The following HEATR5A variants were observed in gnomAD, a reference collection of about 807,000 sequenced individuals.
HEATR5A encodes HEAT repeat containing 5A.
Under a neutral mutation model 218.8 loss-of-function variants are expected in HEATR5A, and 178 were observed. The observed-to-expected ratio is 0.81, with a 90% CI of 0.72 to 0.92. The LOEUF is 0.92. Among genes scored for constraint, HEATR5A ranks in the 40% least tolerant of loss-of-function variants. The probability of loss-of-function intolerance (pLI) is 0.00; values close to 1 mark genes in which losing one functional copy is unlikely to be tolerated. For missense variants in HEATR5A, 2,420 were observed against 2,418.9 expected (o/e 1.00, Z -0.01); for synonymous variants, 864 against 871.6 (o/e 0.99, Z 0.15).
rs1197677794 is a variant in HEATR5A, at chr14:31,398,767, C to G, written c.353G>C (p.Cys118Ser). 4 of 1,521,410 alleles carry G rather than the reference C, an allele frequency of 2.6e-6. No individual in the cohort carries two copies. The African/African-American group carries it at 5.5e-5, about 21-fold the overall frequency. 94.2% of individuals were successfully genotyped at this position (1,521,410 alleles called of 1,614,324 possible). ...CAACTTCTTGTACAAGGAACCCAAA[C>G]ATACCACAGCAGCACTGAAACAACA... is the stretch of plus-strand genomic sequence containing the variant. Reference protein sequence around the residue: ...YLPTKLAAVVCLGSLYKKLGR... With the variant: ...YLPTKLAAVVSLGSLYKKLGR... Residue 118 changes from cysteine to serine, a missense_variant, in exon 4 of 36, where the codon TGT (cysteine) becomes TCT (serine). Coordinates refer to ENST00000543095, the MANE Select transcript of HEATR5A (RefSeq NM_015473.4).
At chr14:31,330,685 G>A (rs1900435248) in intron 22 of HEATR5A, among the ~76,000 whole-genome samples, 2 of 151,678 alleles carry the variant, frequency 1.3e-5, no homozygotes, top group Admixed American at 1.3e-4. Context: ...CAGCTATTCG[G>A]GAGGCTGAGG....
chr14:31,339,698 T>TGG (rs1410543947), intron 21 of HEATR5A, among the ~76,000 whole-genome samples: 1 of 151,960 alleles, frequency 6.6e-6, no homozygotes, highest in Non-Finnish European at 1.5e-5. Flanking sequence ...AACCCAAAAG[T>TGG]GGATAGAAAG....
chr14:31,416,619 AG>A (rs2031459033), intron 1 of HEATR5A, among the ~76,000 whole-genome samples: 2 of 151,918 alleles, frequency 1.3e-5, no homozygotes, highest in South Asian at 4.2e-4. Context: ...TAAAAAAAAA[AG>A]AAAAAAAAGC....
chr14:31,404,246 G>A (rs1265680978), intron 1 of HEATR5A, among the ~76,000 whole-genome samples: 3 of 152,150 alleles, frequency 2.0e-5, no homozygotes, highest in Non-Finnish European at 4.4e-5. Context: ...TACCTAAATA[G>A]AAACATGTTA....
chr14:31,417,070 A>C lies in HEATR5A; in HGVS notation c.-75+3402T>G, dbSNP rs114681511. Among the ~76,000 whole-genome samples, 681 of 152,244 alleles carry C rather than the reference A, an allele frequency of 4.5e-3. 2 individuals are homozygous for C. Among genetic ancestry groups the C allele is most frequent in the African/African-American group, 0.016 (645 of 41,544 alleles). ...CAAAAAATAAAATAAAATAAAAATA[A>C]ACAAATAAATAAAACAAAAAAAACC... On this transcript the variant is annotated intron_variant, in intron 1 of 35. Coordinates refer to ENST00000543095, the MANE Select transcript of HEATR5A (RefSeq NM_015473.4).
intron 1 of HEATR5A, among the ~76,000 whole-genome samples, chr14:31,417,992 G>C (rs1482894189): frequency 6.6e-6 from 1 of 152,092 alleles, no homozygotes; most frequent in Non-Finnish European, 1.5e-5. Context: ...CGGATCACCT[G>C]AGATCAGGAG....
chr14:31,307,388 C>T (rs1221365282), intron 30 of HEATR5A, among the ~76,000 whole-genome samples: 2 of 152,156 alleles, frequency 1.3e-5, no homozygotes, highest in Non-Finnish European at 2.9e-5. Flanking sequence ...ACCCTTTTCC[C>T]ATGGCCACAC....
At chr14:31,409,070 T>G (rs1566785963) in intron 1 of HEATR5A, among the ~76,000 whole-genome samples, 5 of 74,236 alleles carry the variant, frequency 6.7e-5, no homozygotes, top group Non-Finnish European at 8.9e-5. Flanking sequence ...AAAAAAAAGA[T>G]GGAGTCTTAC....
chr14:31,400,556 T>G (rs772381195), intron 2 of HEATR5A, 44 bp from the exon 3 acceptor site: 23 of 1,234,276 alleles, frequency 1.9e-5, no homozygotes, highest in African/African-American at 3.0e-5. Context: ...GTCAATATAA[T>G]TATCTGTAAT....
chr14:31,383,245 TA>T (rs1359659107), intron 10 of HEATR5A, among the ~76,000 whole-genome samples: 1 of 152,234 alleles, frequency 6.6e-6, no homozygotes, highest in African/African-American at 2.4e-5. Flanking sequence ...AGAACATTAA[TA>T]TAACTATTTG....
chr14:31,391,734 A>G (rs2030462397), intron 6 of HEATR5A, among the ~76,000 whole-genome samples: 1 of 152,130 alleles, frequency 6.6e-6, no homozygotes, highest in Non-Finnish European at 1.5e-5. Context: ...CTTATCTTTT[A>G]TATCATATTT....
Position 31,337,633 on chromosome 14 carries a change from G to A in HEATR5A, c.3229-19C>T. The A allele has an allele frequency of 6.9e-6, 11 of 1,590,702 alleles. No homozygotes were observed. Among genetic ancestry groups the A allele is most frequent in the Non-Finnish European group, 9.4e-6 (11 of 1,167,342 alleles). On this transcript the variant is annotated intron_variant, in intron 21 of 35. Coordinates refer to ENST00000543095, the MANE Select transcript of HEATR5A (RefSeq NM_015473.4). Reference sequence around the variant, plus strand: ...GATTCACCTGAAAAATACCATTTGAGGAACGACAGAGCTAAAATTCTTGTT... The same window carrying A: ...GATTCACCTGAAAAATACCATTTGAAGAACGACAGAGCTAAAATTCTTGTT...
rs545975438 is a variant in HEATR5A, at chr14:31,358,722, T to G, written c.2326A>C (p.Lys776Gln). The G allele has an allele frequency of 1.2e-6, 2 of 1,613,890 alleles. No individual in the cohort carries two copies. Among genetic ancestry groups the G allele is most frequent in the East Asian group, 2.2e-5 (1 of 44,876 alleles). The change falls in exon 16 of 36, where the codon AAG becomes CAG. Residue 776 changes from lysine to glutamine, a missense_variant. Physicochemically the swap from Lys to Gln is moderately conservative, Grantham distance 53. Coordinates refer to ENST00000543095, the MANE Select transcript of HEATR5A (RefSeq NM_015473.4). ...EKDVEGDSVPKPLPPALSVIS... is the reference protein window; with the variant it reads ...EKDVEGDSVPQPLPPALSVIS... Reference sequence around the variant, plus strand: ...ACTGATAGTGCTGGAGGTAAGGGCTTAGGCACTGAATCTCCCTCTACATCT... The same window carrying G: ...ACTGATAGTGCTGGAGGTAAGGGCTGAGGCACTGAATCTCCCTCTACATCT...
intron 23 of HEATR5A, among the ~76,000 whole-genome samples, chr14:31,325,217 G>T (rs1321250373): frequency 6.6e-6 from 1 of 152,034 alleles, no homozygotes; most frequent in Non-Finnish European, 1.5e-5. Flanking sequence ...AAAATAACTG[G>T]TTTTTCTCTT....
rs1432385800 is a variant in HEATR5A, at chr14:31,292,547, C to T, written c.*758G>A. On this transcript the variant is annotated 3_prime_UTR_variant, in exon 36 of 36. Coordinates refer to ENST00000543095, the MANE Select transcript of HEATR5A (RefSeq NM_015473.4). ...AATCATTTTATCTTCTTGGAGAAAT[C>T]AGAGAAAGTTTAATACAATTACTGA... 6.6e-6 allele frequency: 1 copy of T among 151,750 alleles called. No homozygotes were observed. Among genetic ancestry groups the T allele is most frequent in the East Asian group, 1.9e-4 (1 of 5,178 alleles). 9.4% of individuals were successfully genotyped at this position (151,750 alleles called of 1,614,324 possible). A position where few individuals can be genotyped will look rare whatever the true frequency, so the allele number is the denominator to read the frequency against.
At chr14:31,398,373 C>T (rs1205928670) in intron 4 of HEATR5A, among the ~76,000 whole-genome samples, 1 of 152,094 alleles carries the variant, frequency 6.6e-6, no homozygotes, top group Non-Finnish European at 1.5e-5. Context: ...TAAGTACTAT[C>T]AAATAGAAAA....
chr14:31,351,521 A>C (rs899744122), intron 16 of HEATR5A, among the ~76,000 whole-genome samples: 3 of 149,532 alleles, frequency 2.0e-5, no homozygotes, highest in Admixed American at 6.7e-5. Context: ...AAAAAAAAAA[A>C]CAATAAAAAT....
At position 31,383,640 on chromosome 14, in the gene HEATR5A, C is replaced by A. The variant is rs755952676; in HGVS notation, c.1477G>T (p.Glu493Ter). 1.2e-6 allele frequency: 2 copies of A among 1,613,934 alleles called. No homozygotes were observed. Among genetic ancestry groups the A allele is most frequent in the South Asian group, 1.1e-5 (1 of 91,076 alleles). ...YLTPLLDRCL[E>*]RLTGHKSSPE... ...GAAGACTTATGTCCAGTAAGCCGTT[C>A]AAGGCAACGATCCAAGAGTGGTGTT... Residue 493 changes from glutamate (E) to a stop codon, truncating the protein, a stop_gained, in exon 10 of 36, where the codon GAA (glutamate) becomes TAA (stop). Transcript: ENST00000543095. LOFTEE classifies it high-confidence loss of function.
rs529963101 is a variant in HEATR5A, at chr14:31,337,628, T to C, written c.3229-14A>G. On this transcript the variant is annotated splice_polypyrimidine_tract_variant and intron_variant, in intron 21 of 35. Coordinates refer to ENST00000543095, the MANE Select transcript of HEATR5A (RefSeq NM_015473.4). The stretch of plus-strand genomic sequence containing the variant: ...ACAAAGATTCACCTGAAAAATACCA[T>C]TTGAGGAACGACAGAGCTAAAATTC... 1.6e-5 allele frequency: 25 copies of C among 1,594,064 alleles called. No homozygotes were observed. The highest frequency in any genetic ancestry group is 2.1e-5 in the Non-Finnish European group (24 of 1,169,302).
Sources: gnomAD v4.1 joint callset for allele counts (sites outside exome capture counted in the v4.1 genomes callset) on GRCh38, gnomAD v4.1.1 for gene constraint, MANE v1.5 for transcripts, NCBI Gene and HGNC (gene_info 2026-07-23, HGNC 2026-07-21) for gene names.